The following PPP1R12A variants were observed in gnomAD, a reference collection of about 807,000 sequenced individuals.
The protein encoded by PPP1R12A is myosin binding subunit.
In PPP1R12A, 19 loss-of-function variants were observed where a neutral mutation model predicts 139.6. The observed-to-expected ratio is 0.14, with a 90% CI of 0.09 to 0.20. The LOEUF (loss-of-function observed/expected upper bound fraction) is 0.20. PPP1R12A is among the 10% of genes least tolerant of loss of function. The probability of loss-of-function intolerance (pLI) is 1.00; values close to 1 mark genes in which losing one functional copy is unlikely to be tolerated. For missense variants in PPP1R12A, 925 were observed against 1,211.5 expected (o/e 0.76, Z 3.51); for synonymous variants, 427 against 420.6 (o/e 1.02, Z -0.19).
intron 1 of PPP1R12A, among the ~76,000 whole-genome samples, chr12:79,900,220 T>A (rs1271334211): frequency 1.3e-5 from 2 of 152,196 alleles, no homozygotes; most frequent in Non-Finnish European, 2.9e-5. Context: ...AATGAAGAGT[T>A]AGCAATGGCC....
At chr12:79,839,437 A>T (rs2137183150) in intron 3 of PPP1R12A, among the ~76,000 whole-genome samples, 1 of 151,990 alleles carries the variant, frequency 6.6e-6, no homozygotes, top group Non-Finnish European at 1.5e-5. Context: ...ATGAAATGTG[A>T]GGACGTGAGA....
At chr12:79,776,161 A>G (rs1869692733) in intron 24 of PPP1R12A, 146 bp from the exon 25 acceptor site, 2 of 480,796 alleles carry the variant, frequency 4.2e-6, no homozygotes, top group African/African-American at 2.0e-5. Context: ...AACATGTATC[A>G]GGAAGAAGGA....
At chr12:79,810,897 C>T (rs1565752689) in intron 9 of PPP1R12A, among the ~76,000 whole-genome samples, 1 of 151,448 alleles carries the variant, frequency 6.6e-6, no homozygotes, top group Admixed American at 6.6e-5. Flanking sequence ...TTTTTTTTAA[C>T]ATCACAGCCT....
chr12:79,821,407 A>G (rs1876083485), intron 6 of PPP1R12A, among the ~76,000 whole-genome samples: 1 of 152,130 alleles, frequency 6.6e-6, no homozygotes, highest in Non-Finnish European at 1.5e-5. Flanking sequence ...AACTTTACTG[A>G]AAAAGTCGAG....
chr12:79,798,423 A>C (rs1872722563), intron 15 of PPP1R12A, 71 bp downstream of exon 15: 17 of 968,284 alleles, frequency 1.8e-5, no homozygotes, highest in Non-Finnish European at 2.5e-5. Context: ...AACTTGTTTT[A>C]TGTCAGTGTG....
At chr12:79,872,391 A>G (rs1202853488) in intron 2 of PPP1R12A, among the ~76,000 whole-genome samples, 1 of 152,194 alleles carries the variant, frequency 6.6e-6, no homozygotes, top group Non-Finnish European at 1.5e-5. Flanking sequence ...CAATCTTCAG[A>G]AAAACTAAGT....
chr12:79,832,131 T>C (rs1467109175), intron 4 of PPP1R12A, among the ~76,000 whole-genome samples: 9 of 152,164 alleles, frequency 5.9e-5, no homozygotes, highest in Admixed American at 5.9e-4. Context: ...GATTAAAAAA[T>C]AGTAATAATT....
chr12:79,932,256 T>C (rs936174804), intron 1 of PPP1R12A, among the ~76,000 whole-genome samples: 6 of 152,342 alleles, frequency 3.9e-5, no homozygotes, highest in Non-Finnish European at 5.9e-5. Flanking sequence ...GTTCAAGAGA[T>C]TTCTTAAAGG....
intron 3 of PPP1R12A, among the ~76,000 whole-genome samples, chr12:79,841,867 T>C (rs1380959178): frequency 6.6e-6 from 1 of 152,242 alleles, no homozygotes; most frequent in Non-Finnish European, 1.5e-5. Flanking sequence ...AAAGCTCTTC[T>C]GTGTGTTTAT....
At chr12:79,856,192 A>G (rs563523935) in intron 2 of PPP1R12A, among the ~76,000 whole-genome samples, 1 of 152,160 alleles carries the variant, frequency 6.6e-6, no homozygotes, top group Non-Finnish European at 1.5e-5. Flanking sequence ...CATCACCATC[A>G]AAGGACAAAC....
At chr12:79,781,914 G>T in intron 22 of PPP1R12A, 52 bp from the exon 23 acceptor site, 1 of 1,062,496 alleles carries the variant, frequency 9.4e-7, no homozygotes. Flanking sequence ...AAGTTCAGGG[G>T]TGACCACAGT....
At chr12:79,891,480 TAATA>T (rs1884636777) in intron 1 of PPP1R12A, among the ~76,000 whole-genome samples, 1 of 152,158 alleles carries the variant, frequency 6.6e-6, no homozygotes, top group African/African-American at 2.4e-5. Context: ...TCTTAAGGCA[TAATA>T]AATAGGAACC....
chr12:79,872,346 T>C (rs1312502158), intron 2 of PPP1R12A, among the ~76,000 whole-genome samples: 2 of 152,190 alleles, frequency 1.3e-5, no homozygotes, highest in African/African-American at 2.4e-5. Context: ...CTATTTCTCA[T>C]TGAATTTTCT....
chr12:79,787,250 G>A (rs73138608), intron 21 of PPP1R12A: 19,274 of 152,088 alleles, frequency 0.13, 1,538 homozygotes, highest in Non-Finnish European at 0.18. Context: ...CTTAGCATAC[G>A]AAAAATCTTA....
chr12:79,797,084 C>T, intron 16 of PPP1R12A, 111 bp downstream of exon 16: 1 of 1,336,508 alleles, frequency 7.5e-7, no homozygotes, highest in South Asian at 1.5e-5. Flanking sequence ...CAGCTAAAAT[C>T]CTTTACAGTA....
chr12:79,858,677 C>T (rs947517446), intron 2 of PPP1R12A, among the ~76,000 whole-genome samples: 4 of 152,056 alleles, frequency 2.6e-5, no homozygotes, highest in Non-Finnish European at 5.9e-5. Flanking sequence ...TTTCAAAGCA[C>T]CAAAAATAAC....
At chr12:79,925,516 G>A (rs1405069702) in intron 1 of PPP1R12A, among the ~76,000 whole-genome samples, 1 of 152,174 alleles carries the variant, frequency 6.6e-6, no homozygotes, top group Non-Finnish European at 1.5e-5. Flanking sequence ...ATTAAGTGAA[G>A]CTCTCTCTGC....
intron 1 of PPP1R12A, among the ~76,000 whole-genome samples, chr12:79,921,341 C>T (rs1464852936): frequency 6.6e-6 from 1 of 151,680 alleles, no homozygotes; most frequent in Non-Finnish European, 1.5e-5. Context: ...ATAAATAACA[C>T]AAAAAAGAAT....
intron 1 of PPP1R12A, among the ~76,000 whole-genome samples, chr12:79,916,721 A>C (rs1010197959): frequency 6.6e-6 from 1 of 152,206 alleles, no homozygotes; most frequent in Non-Finnish European, 1.5e-5. Context: ...TCATGAAATA[A>C]AAGGTTCAGA....
Sources: gnomAD v4.1 joint callset for allele counts (sites outside exome capture counted in the v4.1 genomes callset) on GRCh38, gnomAD v4.1.1 for gene constraint, MANE v1.5 for transcripts, NCBI Gene and HGNC (gene_info 2026-07-23, HGNC 2026-07-21) for gene names.